The following HK3 variants were observed in gnomAD, a reference collection of about 807,000 sequenced individuals.
The protein encoded by HK3 is hexokinase 3, also known as hexokinase-3.
HK3 carries 93 observed loss-of-function variants against 91.0 expected under a neutral mutation model. The ratio of observed to expected loss-of-function variants is 1.02; its 90% CI spans 0.86 to 1.21. The LOEUF is 1.21. HK3 is among the 50% of genes most tolerant of loss of function. The pLI is 0.00. For missense variants in HK3, 1,235 were observed against 1,247.4 expected (o/e 0.99, Z 0.15); for synonymous variants, 519 against 516.9 (o/e 1.00, Z -0.06).
rs773505221 is a variant in HK3 at position 176,887,594 on chromosome 5, G to T, written c.1457C>A (p.Thr486Asn). The change falls in exon 11 of 19, where the codon ACC (threonine) becomes AAC (asparagine). Residue 486 changes from threonine to asparagine, a missense_variant. Thr to Asn is a moderately conservative substitution (Grantham distance 65). Around this residue, in one of 3 missense-constraint regions of HK3, gnomAD observed 717 missense variants for 751.6 expected, o/e 0.95. Coordinates refer to ENST00000292432, the MANE Select transcript of HK3 (RefSeq NM_002115.3). The surrounding 1 kb of genome is among the most constrained non-coding windows in gnomAD (Gnocchi z 4.9). The part of the protein sequence containing the change: ...LAAHRRLLEE[T>N]LAPFRLNHDQ... ...ATGGTTCAACCGGAATGGGGCCAGG[G>T]TCTCCTCCAGCAGGCGCCGGTGGGC... The T allele has an allele frequency of 2.5e-6, 4 of 1,613,856 alleles. No homozygotes were observed. Among genetic ancestry groups the T allele is most frequent in the Admixed American group, 1.7e-5 (1 of 60,034 alleles).
intron 1 of HK3, among the ~76,000 whole-genome samples, chr5:176,897,657 C>T (rs1419954793): frequency 6.6e-6 from 1 of 152,180 alleles, no homozygotes; most frequent in East Asian, 1.9e-4. Flanking sequence ...TTCCCCCTGT[C>T]CTTGGCTTTC....
rs141094668 is a variant in HK3 at position 176,889,482 on chromosome 5, G to A, written c.813C>T (p.Ser271=). The stretch of plus-strand genomic sequence containing the variant: ...CATCGCTGAAGGAGCCCCACTCGAC[G>A]CTGACGCAGACGCGGCCCCGGTCTT... ...LDEDRGRVCV[S]VEWGSFSDDG... is the part of the protein sequence containing the mutation. The change falls in exon 8 of 19, where the codon AGC becomes AGT. Residue 271 remains serine, a synonymous_variant. Coordinates refer to ENST00000292432, the MANE Select transcript of HK3 (RefSeq NM_002115.3). The A allele has an allele frequency of 1.5e-4, 243 of 1,614,170 alleles. 2 individuals are homozygous for A. The African/African-American group carries it at 2.7e-3, about 18-fold the overall frequency.
In HK3 at chr5:176,884,846, AGAG is replaced by A. The variant is rs1758541560; in HGVS notation, c.1858-715_1858-713del. Among the ~76,000 whole-genome samples the A allele has an allele frequency of 6.6e-6, 1 of 152,354 alleles. No homozygotes were observed. The highest frequency in any genetic ancestry group is 1.9e-4 in the East Asian group (1 of 5,194). On this transcript the variant is annotated intron_variant, in intron 13 of 18. Coordinates refer to ENST00000292432, the MANE Select transcript of HK3 (RefSeq NM_002115.3). The surrounding 1 kb of genome is among the most constrained non-coding windows in gnomAD (Gnocchi z 4.1). ...TTGGGAGAAAATTACTGCTTTGCTC[AGAG>A]GAGGAGCATGGAGGGTAGGTCAGGA... is the stretch of plus-strand genomic sequence containing the variant.
Position 176,880,909 on chromosome 5 carries a change from A to C in HK3, c.*164T>G, listed in dbSNP as rs923927293. Reference sequence around the variant, plus strand: ...TATATATATTGCTAACCTGAGTGCTACTTCTCTCAGGGAAAGCCAGGGAGC... The same window carrying C: ...TATATATATTGCTAACCTGAGTGCTCCTTCTCTCAGGGAAAGCCAGGGAGC... On this transcript the variant is annotated 3_prime_UTR_variant, in exon 19 of 19. Transcript: ENST00000292432. The C allele has an allele frequency of 1.6e-6, 1 of 641,952 alleles. No homozygotes were observed. Among genetic ancestry groups the C allele is most frequent in the Non-Finnish European group, 2.6e-6 (1 of 390,136 alleles). 39.8% of individuals were successfully genotyped at this position (641,952 alleles called of 1,614,324 possible).
rs1022726806 is a variant in HK3, at chr5:176,884,683, G to A, written c.1858-549C>T. ...ACCCAGGCCCCTGGGCAGGATGAAG[G>A]CTGAGTGCCCAGATTGTGAGAAAAG... On this transcript the variant is annotated intron_variant, in intron 13 of 18. Transcript: ENST00000292432. This position sits in a 1 kb window ranked among gnomAD's most constrained non-coding sequence, Gnocchi z 4.1. Among the ~76,000 whole-genome samples the A allele has an allele frequency of 1.3e-5, 2 of 152,240 alleles. No individual in the cohort carries two copies. The highest frequency in any genetic ancestry group is 4.1e-4 in the South Asian group (2 of 4,834).
Position 176,896,090 on chromosome 5 carries a change from G to A in HK3, c.70C>T (p.Pro24Ser), listed in dbSNP as rs774922431. The A allele has an allele frequency of 4.3e-6, 7 of 1,613,618 alleles. No individual in the cohort carries two copies. Among genetic ancestry groups the A allele is most frequent in the Non-Finnish European group, 5.9e-6 (7 of 1,179,740 alleles). Residue 24 changes from proline to serine, a missense_variant, in exon 2 of 19, where the codon CCC (proline) becomes TCC (serine). Pro to Ser is a moderately conservative substitution (Grantham distance 74, BLOSUM62 -1). Around this residue, in one of 3 missense-constraint regions of HK3, gnomAD observed 717 missense variants for 751.6 expected, o/e 0.95. Transcript: ENST00000292432. ...AGCTCTGAGCTGTCTGAGGGCCCGG[G>A]CAAGCCCTCCTCAGAGCAACTCAGG... ...ETLSCSEEGLPGPSDSSELVQ... is the reference protein window; with the variant it reads ...ETLSCSEEGLSGPSDSSELVQ...
intron 6 of HK3, among the ~76,000 whole-genome samples, chr5:176,889,976 G>C (rs1440150419): frequency 9.2e-5 from 14 of 151,934 alleles, no homozygotes; most frequent in Admixed American, 9.2e-4. Context: ...TGCGCCCCCA[G>C]GTCACAGTGA....
In HK3 at chr5:176,890,698, C is replaced by T. The variant is rs141730870; in HGVS notation, c.567G>A (p.Arg189=). 6.8e-6 allele frequency: 11 copies of T among 1,614,084 alleles called. No individual in the cohort carries two copies. Among genetic ancestry groups the T allele is most frequent in the African/African-American group, 2.7e-5 (2 of 74,936 alleles). ...STLISWTKGF[R]CSGVEGQDVV... ...CATCCTGGCCTTCCACACCACTGCACCTAAAACCTTTGGTCCAGGAAATGA... is the reference window on the plus strand; with the variant it reads ...CATCCTGGCCTTCCACACCACTGCATCTAAAACCTTTGGTCCAGGAAATGA... Residue 189 remains arginine (R), a synonymous_variant, in exon 6 of 19, where the codon AGG becomes AGA. Transcript: ENST00000292432.
In HK3 at chr5:176,887,157, C is replaced by T. The variant is rs773615181; in HGVS notation, c.1738-36G>A. On this transcript the variant is annotated intron_variant, in intron 12 of 18. Coordinates refer to ENST00000292432, the MANE Select transcript of HK3 (RefSeq NM_002115.3). This position sits in a 1 kb window ranked among gnomAD's most constrained non-coding sequence, Gnocchi z 4.9. ...GGACAGGTCAGGCGTAGGCACTGCT[C>T]AGCCCTTCCCCACCTCTGACATCAA... The T allele has an allele frequency of 1.9e-6, 3 of 1,614,200 alleles. No homozygotes were observed. The highest frequency in any genetic ancestry group is 2.5e-6 in the Non-Finnish European group (3 of 1,180,052).
chr5:176,887,877 T>C lies in HK3; in HGVS notation c.1305-131A>G. On this transcript the variant is annotated intron_variant, in intron 10 of 18. Transcript: ENST00000292432. The surrounding 1 kb of genome is among the most constrained non-coding windows in gnomAD (Gnocchi z 4.9). Reference sequence around the variant, plus strand: ...TTGGCCCCAGACCCCTAGGGCCTCCTGAAGCCCAAGGCCCCATCACTTTTT... The same window carrying C: ...TTGGCCCCAGACCCCTAGGGCCTCCCGAAGCCCAAGGCCCCATCACTTTTT... 1 of 816,990 alleles carries C rather than the reference T, an allele frequency of 1.2e-6. No homozygotes were observed. Among genetic ancestry groups the C allele is most frequent in the South Asian group, 1.9e-5 (1 of 51,890 alleles). The allele number at this position is 816,990 out of a possible 1,614,324, so 50.6% of individuals were successfully genotyped here. A position where few individuals can be genotyped will look rare whatever the true frequency, so the allele number is the denominator to read the frequency against.
In HK3 at chr5:176,889,361, A is replaced by C. The variant is rs373532940; in HGVS notation, c.914+20T>G. The C allele has an allele frequency of 2.4e-5, 38 of 1,609,432 alleles. No homozygotes were observed. The highest frequency in any genetic ancestry group is 4.0e-5 in the African/African-American group (3 of 74,836). On this transcript the variant is annotated intron_variant, in intron 8 of 18. Transcript: ENST00000292432. ...TAGACAGGGCCTGGAACCAAAGGTC[A>C]GGGCCCCCTGCCAGGTCACCTCTGA...
At chr5:176,895,029 G>A (rs1758872788) in intron 2 of HK3, among the ~76,000 whole-genome samples, 3 of 151,246 alleles carry the variant, frequency 2.0e-5, no homozygotes, top group South Asian at 2.1e-4. Context: ...CGCTCACCTC[G>A]GCCTCCCAAA....
intron 15 of HK3, among the ~76,000 whole-genome samples, chr5:176,882,724 G>A (rs987400138): frequency 2.6e-5 from 4 of 152,216 alleles, no homozygotes; most frequent in African/African-American, 9.7e-5. Context: ...CTGAATCCAA[G>A]AAGCACAGAA....
intron 15 of HK3, among the ~76,000 whole-genome samples, chr5:176,882,833 G>GC (rs1417508160): frequency 6.6e-6 from 1 of 152,090 alleles, no homozygotes; most frequent in Non-Finnish European, 1.5e-5. Context: ...CTCCTTGCTG[G>GC]CCCCACCTGG....
Position 176,887,639 on chromosome 5 carries a change from G to A in HK3, c.1412C>T (p.Ala471Val). ...GGGRGVAMVT[A>V]VAARLAAHRR... ...GTGGGCAGCCAGACGGGCAGCCACG[G>A]CAGTCACCATCGCCACTCCCCGGCC... The change falls in exon 11 of 19, where the codon GCC becomes GTC. Residue 471 changes from alanine to valine, a missense_variant. Ala to Val is a moderately conservative substitution (Grantham distance 64). Transcript: ENST00000292432. This position sits in a 1 kb window ranked among gnomAD's most constrained non-coding sequence, Gnocchi z 4.9. 2 of 1,613,750 alleles carry A rather than the reference G, an allele frequency of 1.2e-6. No individual in the cohort carries two copies. The highest frequency in any genetic ancestry group is 1.7e-5 in the Admixed American group (1 of 60,002).
intron 9 of HK3, 62 bp downstream of exon 9, chr5:176,888,647 G>C (rs1758669759): frequency 6.2e-7 from 1 of 1,611,730 alleles, no homozygotes. Flanking sequence ...CTTGGGAACA[G>C]AGTATCATCC....
At chr5:176,886,937 C>A in intron 13 of HK3, 65 bp downstream of exon 13, 1 of 1,594,112 alleles carries the variant, frequency 6.3e-7, no homozygotes, top group East Asian at 2.3e-5. Flanking sequence ...GCCTCCTGCC[C>A]ACTCCATGAA....
Position 176,881,562 on chromosome 5 carries a change from A to G in HK3, c.2394-27T>C, listed in dbSNP as rs376810735. 40 of 1,592,868 alleles carry G rather than the reference A, an allele frequency of 2.5e-5. No homozygotes were observed. The African/African-American group carries it at 3.9e-4, about 15-fold the overall frequency. ...TGGGGGCCAGGAAGGAAGAGAGCAC[A>G]GGGAGGTGGGTCGTGACTTCTCCCA... On this transcript the variant is annotated intron_variant, in intron 17 of 18. Coordinates refer to ENST00000292432, the MANE Select transcript of HK3 (RefSeq NM_002115.3).
At chr5:176,899,008 G>A (rs1054076988) in intron 1 of HK3, among the ~76,000 whole-genome samples, 2 of 152,112 alleles carry the variant, frequency 1.3e-5, no homozygotes, top group Admixed American at 6.5e-5. Flanking sequence ...GGTGGTGTGC[G>A]CCTGTAGTCT....
Sources: allele counts gnomAD v4.1 joint callset (sites outside exome capture counted in the v4.1 genomes callset), GRCh38; gene constraint gnomAD v4.1.1; regional missense constraint gnomAD v4.1.1; non-coding constraint Gnocchi (gnomAD v3.1); transcripts MANE v1.5; gene names NCBI Gene and HGNC (gene_info 2026-07-23, HGNC 2026-07-21).